STIL: variants seen among roughly 807,000 people sequenced by gnomAD.
STIL encodes the protein STIL centriolar assembly protein, also known as SCL-interrupting locus protein.
In STIL, 55 loss-of-function variants were observed where a neutral mutation model predicts 110.1. That is an observed-to-expected ratio of 0.50 (90% CI 0.40 to 0.63). The LOEUF (loss-of-function observed/expected upper bound fraction) is 0.63. Ranked by LOEUF, STIL falls within the 20% of genes least tolerant of loss-of-function variation. The pLI is 0.00. For missense variants in STIL, 1,358 were observed against 1,530.0 expected (o/e 0.89, Z 1.87); for synonymous variants, 481 against 530.0 (o/e 0.91, Z 1.27).
chr1:47,265,252 A>AAAAAAAAAAC (rs1553170570), intron 14 of STIL, among the ~76,000 whole-genome samples: 25 of 150,594 alleles, frequency 1.7e-4, no homozygotes, highest in African/African-American at 5.8e-4. Flanking sequence ...AAAAAAAAAA[A>AAAAAAAAAAC]AAAAAAAACA....
At chr1:47,313,858 T>A (rs1006941000) in intron 1 of STIL, among the ~76,000 whole-genome samples, 178 bp downstream of exon 1, 4 of 152,220 alleles carry the variant, frequency 2.6e-5, no homozygotes, top group African/African-American at 4.8e-5. Context: ...TTAGCTCAGA[T>A]GATACCCAAG....
Position 47,289,534 on chromosome 1 carries a change from A to G in STIL, c.924T>C (p.His308=), listed in dbSNP as rs1267195497. 5.6e-6 allele frequency: 9 copies of G among 1,613,776 alleles called. No homozygotes were observed. The highest frequency in any genetic ancestry group is 6.8e-6 in the Non-Finnish European group (8 of 1,179,826). Residue 308 remains histidine (H), a synonymous_variant, in exon 9 of 17, where the codon CAT becomes CAC. Coordinates refer to ENST00000371877, the MANE Select transcript of STIL (RefSeq NM_001048166.1). ...AGCATTCATAAAACTCAGGTTCCTT[A>G]TGTGTCATAGAATAGAGAACTATGA... The part of the protein sequence containing the change: ...NFIIVLYSMT[H]KEPEFYECFP...
At chr1:47,297,221 A>G (rs1645665519) in intron 6 of STIL, among the ~76,000 whole-genome samples, 1 of 152,114 alleles carries the variant, frequency 6.6e-6, no homozygotes. Flanking sequence ...GGGCGCCTGT[A>G]ATCCCAGCTA....
intron 6 of STIL, 94 bp downstream of exon 6, chr1:47,299,811 A>C: frequency 1.5e-6 from 2 of 1,314,142 alleles, no homozygotes; most frequent in Non-Finnish European, 2.1e-6. Context: ...TATCTCTGGC[A>C]TATAAATTGA....
chr1:47,278,783 T>C (rs981642333), intron 12 of STIL, among the ~76,000 whole-genome samples: 2 of 151,668 alleles, frequency 1.3e-5, no homozygotes, highest in African/African-American at 2.4e-5. Flanking sequence ...CTGGGCAATA[T>C]AGGAAGACCT....
At chr1:47,279,728 A>C (rs1423071163) in intron 12 of STIL, among the ~76,000 whole-genome samples, 3 of 55,906 alleles carry the variant, frequency 5.4e-5, no homozygotes, top group Non-Finnish European at 1.0e-4. Flanking sequence ...ACTCCGTCTC[A>C]AAAAAAAAAA....
At chr1:47,270,089 A>T (rs1164457176) in intron 13 of STIL, among the ~76,000 whole-genome samples, 1 of 151,806 alleles carries the variant, frequency 6.6e-6, no homozygotes, top group Non-Finnish European at 1.5e-5. Flanking sequence ...AAATACAAAA[A>T]AATTAGCCAG....
At chr1:47,309,529 A>G (rs1352162403) in intron 2 of STIL, among the ~76,000 whole-genome samples, 1 of 152,166 alleles carries the variant, frequency 6.6e-6, no homozygotes, top group Non-Finnish European at 1.5e-5. Flanking sequence ...GTTTCCCACT[A>G]TCTTCATCAA....
chr1:47,305,723 G>T, intron 2 of STIL, among the ~76,000 whole-genome samples: 1 of 97,828 alleles, frequency 1.0e-5, no homozygotes, highest in Admixed American at 1.3e-4. Context: ...ACCACGCCTG[G>T]CCTTTTTTTT....
chr1:47,269,905 C>G (rs776939851), intron 13 of STIL, 39 bp from the exon 14 acceptor site: 2 of 1,561,516 alleles, frequency 1.3e-6, no homozygotes, highest in Admixed American at 3.3e-5. Flanking sequence ...AACAAACATT[C>G]AACTTTAAAA....
chr1:47,254,137 C>T (rs753845176), intron 16 of STIL, among the ~76,000 whole-genome samples: 19 of 124,396 alleles, frequency 1.5e-4, no homozygotes, highest in African/African-American at 5.5e-4. Flanking sequence ...GCCGAGATTG[C>T]GTCACTGCAT....
At position 47,301,718 on chromosome 1, in the gene STIL, C is replaced by A; in HGVS notation, c.296G>T (p.Arg99Leu). The change falls in exon 5 of 17, where the codon CGC becomes CTC. Residue 99 changes from arginine to leucine, a missense_variant. Arg to Leu is a moderately radical substitution (Grantham distance 102, BLOSUM62 -2). Transcript: ENST00000371877. ...AGGTACTTCTCGACCAGGATCAAAG[C>A]GATCTACTGTCAATGTTACACCTTC... Reference protein sequence around the residue: ...DEEGVTLTVDRFDPGREVPEC... With the variant: ...DEEGVTLTVDLFDPGREVPEC... The A allele has an allele frequency of 6.2e-7, 1 of 1,613,926 alleles. No individual in the cohort carries two copies. The highest frequency in any genetic ancestry group is 8.5e-7 in the Non-Finnish European group (1 of 1,179,990).
Position 47,277,506 on chromosome 1 carries a change from A to C in STIL, c.2217+2735T>G, listed in dbSNP as rs149867048. On this transcript the variant is annotated intron_variant, in intron 12 of 16. Transcript: ENST00000371877. Reference sequence around the variant, plus strand: ...AAACAACGACGGTATGGTGTTTCCAAGTATAGGAAACATGAGGGGATAGTA... The same window carrying C: ...AAACAACGACGGTATGGTGTTTCCACGTATAGGAAACATGAGGGGATAGTA... Among the ~76,000 whole-genome samples the C allele has an allele frequency of 8.2e-4, 125 of 152,274 alleles. No homozygotes were observed. In the East Asian group the frequency reaches 0.023, roughly 28 times the overall value.
At chr1:47,261,828 C>G (rs1644495875) in intron 15 of STIL, among the ~76,000 whole-genome samples, 1 of 150,848 alleles carries the variant, frequency 6.6e-6, no homozygotes, top group Non-Finnish European at 1.5e-5. Context: ...ACAAGAATCG[C>G]TTGAACCTGG....
chr1:47,265,501 C>A (rs1362046281), intron 14 of STIL, among the ~76,000 whole-genome samples: 1 of 151,328 alleles, frequency 6.6e-6, no homozygotes, highest in African/African-American at 2.4e-5. Flanking sequence ...ACAGAGTTGG[C>A]CGGGCATGGT....
chr1:47,260,469 A>G lies in STIL; in HGVS notation c.2900T>C (p.Ile967Thr). The part of the protein sequence containing the change: ...TEQPSTKAVI[I>T]SHECTRTQNV... ...TTGGGTTCTGGTGCATTCATGACTGATAATTACTGCTTTGGTAGACGGCTG... is the reference window on the plus strand; with the variant it reads ...TTGGGTTCTGGTGCATTCATGACTGGTAATTACTGCTTTGGTAGACGGCTG... The change falls in exon 16 of 17, where the codon ATC (isoleucine) becomes ACC (threonine). Residue 967 changes from isoleucine to threonine, a missense_variant. Coordinates refer to ENST00000371877, the MANE Select transcript of STIL (RefSeq NM_001048166.1). 2 of 1,614,186 alleles carry G rather than the reference A, an allele frequency of 1.2e-6. No homozygotes were observed. Among genetic ancestry groups the G allele is most frequent in the South Asian group, 1.1e-5 (1 of 91,084 alleles).
At chr1:47,279,285 A>C (rs2148957290) in intron 12 of STIL, among the ~76,000 whole-genome samples, 1 of 144,410 alleles carries the variant, frequency 6.9e-6, no homozygotes, top group South Asian at 2.1e-4. Flanking sequence ...TCCGTCTCAA[A>C]AAAAAAAAAA....
At chr1:47,282,726 G>A in intron 10 of STIL, 1 of 389,324 alleles carries the variant, frequency 2.6e-6, no homozygotes, top group African/African-American at 2.0e-5. Flanking sequence ...AAGTCACTGG[G>A]CACCCTCTAG....
intron 14 of STIL, among the ~76,000 whole-genome samples, chr1:47,267,328 T>C (rs1644682132): frequency 6.6e-6 from 1 of 152,206 alleles, no homozygotes; most frequent in Non-Finnish European, 1.5e-5. Flanking sequence ...ACCTAGTATT[T>C]GATATTTAGT....
Sources: allele counts gnomAD v4.1 joint callset (sites outside exome capture counted in the v4.1 genomes callset), GRCh38; gene constraint gnomAD v4.1.1; transcripts MANE v1.5; gene names NCBI Gene and HGNC (gene_info 2026-07-23, HGNC 2026-07-21).